Variants in SH3TC1 observed in about 807,000 individuals in gnomAD.
SH3TC1 encodes the protein SH3 domain and tetratricopeptide repeat-containing protein 1.
A neutral mutation model predicts 117.3 loss-of-function variants in SH3TC1; 135 were observed. The observed-to-expected ratio is 1.15, with a 90% CI of 1.00 to 1.33. SH3TC1 has a LOEUF of 1.33. Among genes scored for constraint, SH3TC1 ranks in the 40% most tolerant of loss-of-function variants. The probability of loss-of-function intolerance (pLI) is 0.00; values close to 1 mark genes in which losing one functional copy is unlikely to be tolerated. For synonymous variants in SH3TC1, 898 were observed against 816.9 expected (o/e 1.10, Z -1.69); for missense variants, 2,092 against 1,794.3 (o/e 1.17, Z -3.00).
At position 8,228,272 on chromosome 4, in the gene SH3TC1, G is replaced by A. The variant is rs1248847257; in HGVS notation, c.2578G>A (p.Asp860Asn). The A allele has an allele frequency of 1.9e-6, 3 of 1,612,252 alleles. No individual in the cohort carries two copies. Among genetic ancestry groups the A allele is most frequent in the Admixed American group, 3.3e-5 (2 of 59,994 alleles). Residue 860 changes from aspartate to asparagine, a missense_variant, in exon 12 of 18, where the codon GAC becomes AAC. By Grantham distance (23) the Asp-to-Asn change is conservative. Coordinates refer to ENST00000245105, the MANE Select transcript of SH3TC1 (RefSeq NM_018986.5). ...SVRDAVVASEDQEGVIANMVA... is the reference protein window; with the variant it reads ...SVRDAVVASENQEGVIANMVA... ...CCGGGATGCAGTGGTGGCCAGCGAG[G>A]ACCAGGAGGGCGTGATTGCCAACAT...
intron 1 of SH3TC1, among the ~76,000 whole-genome samples, chr4:8,184,265 C>T (rs538780333): frequency 1.8e-4 from 27 of 152,368 alleles, no homozygotes; most frequent in African/African-American, 5.3e-4. Flanking sequence ...ACCGCCCACT[C>T]CAACATTGAG....
chr4:8,227,269 G>A lies in SH3TC1; in HGVS notation c.1575G>A (p.Trp525Ter), dbSNP rs1301798647. The change falls in exon 12 of 18, where the codon TGG (tryptophan) becomes TGA (stop). Residue 525 changes from tryptophan (W) to a stop codon, truncating the protein, a stop_gained. Transcript: ENST00000245105. LOFTEE classifies it high-confidence loss of function. ...GCCTGTACGATGTGGCGCTGCCGTGGCTGAGCAGCGTGTTCCGCAGCTTCA... is the reference window on the plus strand; with the variant it reads ...GCCTGTACGATGTGGCGCTGCCGTGACTGAGCAGCGTGTTCCGCAGCTTCA... ...FRGLYDVALP[W>*]LSSVFRSFSD... 1 of 1,603,026 alleles carries A rather than the reference G, an allele frequency of 6.2e-7. No homozygotes were observed. The highest frequency in any genetic ancestry group is 8.5e-7 in the Non-Finnish European group (1 of 1,175,206).
At chr4:8,237,235 T>C (rs955283621) in intron 16 of SH3TC1, 10 of 420,354 alleles carry the variant, frequency 2.4e-5, no homozygotes, top group Non-Finnish European at 4.2e-5. Flanking sequence ...CAGGTGGCTA[T>C]ATGTAGGCAC....
At chr4:8,185,895 C>T (rs1407080661) in intron 1 of SH3TC1, among the ~76,000 whole-genome samples, 1 of 152,182 alleles carries the variant, frequency 6.6e-6, no homozygotes, top group Non-Finnish European at 1.5e-5. Context: ...CTCAGATGGG[C>T]CCCACTGGCA....
At position 8,237,395 on chromosome 4, in the gene SH3TC1, G is replaced by A. The variant is rs554260370; in HGVS notation, c.3557-79G>A. 101 of 1,333,096 alleles carry A rather than the reference G, an allele frequency of 7.6e-5. No individual in the cohort carries two copies. In the African/African-American group the frequency reaches 1.2e-3, roughly 15 times the overall value. The allele number at this position is 1,333,096 out of a possible 1,614,324, so 82.6% of individuals were successfully genotyped here. On this transcript the variant is annotated intron_variant, in intron 16 of 17. Transcript: ENST00000245105. Reference sequence around the variant, plus strand: ...CCAGGTGACCGCAGTGCCTGGAGGCGAGCCAGGTGCTGCCGGGGTCTGCAT... The same window carrying A: ...CCAGGTGACCGCAGTGCCTGGAGGCAAGCCAGGTGCTGCCGGGGTCTGCAT...
chr4:8,227,247 T>C lies in SH3TC1; in HGVS notation c.1553T>C (p.Leu518Pro), dbSNP rs757939950. The C allele has an allele frequency of 3.8e-6, 6 of 1,594,474 alleles. No homozygotes were observed. The Admixed American group carries it at 8.8e-5, about 23-fold the overall frequency. ...APGYKASFRG[L>P]YDVALPWLSS... ...GGGTACAAGGCCAGCTTCCGTGGCC[T>C]GTACGATGTGGCGCTGCCGTGGCTG... The change falls in exon 12 of 18, where the codon CTG (leucine) becomes CCG (proline). Residue 518 changes from leucine to proline, a missense_variant. By Grantham distance (98) the Leu-to-Pro change is moderately conservative. Coordinates refer to ENST00000245105, the MANE Select transcript of SH3TC1 (RefSeq NM_018986.5).
At position 8,240,782 on chromosome 4, in the gene SH3TC1, T is replaced by A; in HGVS notation, c.3838T>A (p.Tyr1280Asn). 1 of 1,614,118 alleles carries A rather than the reference T, an allele frequency of 6.2e-7. No individual in the cohort carries two copies. Among genetic ancestry groups the A allele is most frequent in the Non-Finnish European group, 8.5e-7 (1 of 1,180,040 alleles). Residue 1280 changes from tyrosine (Y) to asparagine (N), a missense_variant, in exon 18 of 18, where the codon TAC (tyrosine) becomes AAC (asparagine). Coordinates refer to ENST00000245105, the MANE Select transcript of SH3TC1 (RefSeq NM_018986.5). The part of the protein sequence containing the change: ...LGNKKAQLKI[Y>N]TRLATIYHNF... ...CAACAAGAAGGCACAGCTGAAGATCTACACGCGGCTGGCCACCATCTACCA... is the reference window on the plus strand; with the variant it reads ...CAACAAGAAGGCACAGCTGAAGATCAACACGCGGCTGGCCACCATCTACCA...
Position 8,194,011 on chromosome 4 carries a change from C to T in SH3TC1, c.-57+11801C>T, listed in dbSNP as rs554004134. Among the ~76,000 whole-genome samples, 181 of 152,326 alleles carry T rather than the reference C, an allele frequency of 1.2e-3. 1 individual carries two copies. The highest frequency in any genetic ancestry group is 4.1e-3 in the African/African-American group (171 of 41,572). On this transcript the variant is annotated intron_variant, in intron 1 of 16. Transcript: ENST00000508641. Reference sequence around the variant, plus strand: ...AAAACGCAAAGACAAAAGCCACCACCCGTGCGGGAGGTAGAAGGCAGGGCC... The same window carrying T: ...AAAACGCAAAGACAAAAGCCACCACTCGTGCGGGAGGTAGAAGGCAGGGCC...
rs1332831562 is a variant in SH3TC1 at position 8,233,590 on chromosome 4, A to T, written c.3282+77A>T. On this transcript the variant is annotated intron_variant, in intron 14 of 17. Coordinates refer to ENST00000245105, the MANE Select transcript of SH3TC1 (RefSeq NM_018986.5). The stretch of plus-strand genomic sequence containing the variant: ...ATCCATCCGTCCATTGATGATGATG[A>T]TAGATGATCCTTCCATCATCTATCC... The T allele has an allele frequency of 2.1e-6, 3 of 1,452,212 alleles. No homozygotes were observed. The African/African-American group carries it at 4.3e-5, about 21-fold the overall frequency. 90.0% of individuals were successfully genotyped at this position (1,452,212 alleles called of 1,614,324 possible). A position where few individuals can be genotyped will look rare whatever the true frequency, so the allele number is the denominator to read the frequency against.
At chr4:8,215,192 C>G (rs1391097460) in intron 5 of SH3TC1, 2 of 456,292 alleles carry the variant, frequency 4.4e-6, no homozygotes, top group South Asian at 3.1e-5. Flanking sequence ...AAGCTGCCGT[C>G]CAGTGGCCTC....
intron 14 of SH3TC1, among the ~76,000 whole-genome samples, chr4:8,233,971 T>A (rs1721514640): frequency 8.0e-6 from 1 of 124,766 alleles, no homozygotes. Context: ...TTCACCTGTT[T>A]GTCCATCCAT....
chr4:8,218,362 G>A lies in SH3TC1; in HGVS notation c.916+15G>A. On this transcript the variant is annotated intron_variant, in intron 8 of 17. Transcript: ENST00000245105. ...CCCGCTGATGGGTAAGTGTTTCCAT[G>A]GGCCTCTCTTTTTTGGGGAAATGTG... 1 of 1,596,862 alleles carries A rather than the reference G, an allele frequency of 6.3e-7. No homozygotes were observed. The highest frequency in any genetic ancestry group is 8.6e-7 in the Non-Finnish European group (1 of 1,167,708).
rs1179679437 is a variant in SH3TC1, at chr4:8,190,600, G to A, written c.-57+8390G>A. 6.6e-6 allele frequency among the ~76,000 whole-genome samples: 1 copy of A among 152,062 alleles called. No homozygotes were observed. Among genetic ancestry groups the A allele is most frequent in the Admixed American group, 6.5e-5 (1 of 15,276 alleles). ...CTCGGTCACCCACACCCCACCAGCC[G>A]GCTGGTCCACAGGGTGTTTCTGAGG... On this transcript the variant is annotated intron_variant, in intron 1 of 16. Coordinates refer to the SH3TC1 transcript ENST00000508641. This position sits in a 1 kb window ranked among gnomAD's most constrained non-coding sequence, Gnocchi z 4.7.
chr4:8,197,229 G>C (rs975563426), upstream of SH3TC1, among the ~76,000 whole-genome samples: 2 of 152,300 alleles, frequency 1.3e-5, no homozygotes, highest in East Asian at 1.9e-4. Flanking sequence ...CCAGAGGCTG[G>C]AGCAGGCAGG....
chr4:8,224,907 G>A, intron 10 of SH3TC1: 1 of 480,048 alleles, frequency 2.1e-6, no homozygotes, highest in Non-Finnish European at 3.7e-6. Context: ...TAGAACATGA[G>A]AATTCTCTGG....
Position 8,192,013 on chromosome 4 carries a change from G to A in SH3TC1, c.-57+9803G>A, listed in dbSNP as rs1382772139. On this transcript the variant is annotated intron_variant, in intron 1 of 16. Transcript: ENST00000508641. This position sits in a 1 kb window ranked among gnomAD's most constrained non-coding sequence, Gnocchi z 4.1. Reference sequence around the variant, plus strand: ...TTTATTTATTTATTATTTTTGAGACGGAGTCTTGCTCTGTCACCCAGGCTG... The same window carrying A: ...TTTATTTATTTATTATTTTTGAGACAGAGTCTTGCTCTGTCACCCAGGCTG... 5.3e-5 allele frequency among the ~76,000 whole-genome samples: 8 copies of A among 149,658 alleles called. No homozygotes were observed. The highest frequency in any genetic ancestry group is 1.8e-4 in the African/African-American group (7 of 39,964).
intron 12 of SH3TC1, chr4:8,229,034 C>T (rs1720867497): frequency 4.9e-6 from 1 of 204,966 alleles, no homozygotes; most frequent in Admixed American, 5.3e-5. Context: ...TGCTTGTGCC[C>T]ATGTTATCTG....
chr4:8,241,064 C>A lies in SH3TC1; in HGVS notation c.*109C>A. ...CAAATGGAGGCACGAACGCAGGGGC[C>A]AAATAGCAATAAATGGGTTTTGTTT... is the stretch of plus-strand genomic sequence containing the variant. On this transcript the variant is annotated 3_prime_UTR_variant, in exon 18 of 18. Coordinates refer to ENST00000245105, the MANE Select transcript of SH3TC1 (RefSeq NM_018986.5). The A allele has an allele frequency of 1.4e-6, 2 of 1,417,842 alleles. No homozygotes were observed. The highest frequency in any genetic ancestry group is 1.9e-6 in the Non-Finnish European group (2 of 1,057,824). The allele number at this position is 1,417,842 out of a possible 1,614,324, so 87.8% of individuals were successfully genotyped here. A position where few individuals can be genotyped will look rare whatever the true frequency, so the allele number is the denominator to read the frequency against.
chr4:8,225,122 G>T lies in SH3TC1; in HGVS notation c.1244-53G>T. The T allele has an allele frequency of 1.2e-6, 2 of 1,607,588 alleles. No individual in the cohort carries two copies. Among genetic ancestry groups the T allele is most frequent in the African/African-American group, 2.7e-5 (2 of 74,950 alleles). ...TCGACACTAGCTCAACCTGGCAGGG[G>T]ACCAGAGGTACTGGCTGGGGGTGTT... is the stretch of plus-strand genomic sequence containing the variant. On this transcript the variant is annotated intron_variant, in intron 10 of 17. Transcript: ENST00000245105. This position sits in a 1 kb window ranked among gnomAD's most constrained non-coding sequence, Gnocchi z 5.5.
Sources: gnomAD v4.1 joint callset for allele counts (sites outside exome capture counted in the v4.1 genomes callset) on GRCh38, gnomAD v4.1.1 for gene constraint, Gnocchi (gnomAD v3.1) non-coding constraint, MANE v1.5 for transcripts, NCBI Gene and HGNC (gene_info 2026-07-23, HGNC 2026-07-21) for gene names.